The following PPP6R2 variants were observed in gnomAD, a reference collection of about 807,000 sequenced individuals.
PPP6R2 encodes the protein protein phosphatase 6 regulatory subunit 2.
In PPP6R2, 62 loss-of-function variants were observed where a neutral mutation model predicts 100.2. That is an observed-to-expected ratio of 0.62 (90% CI 0.50 to 0.76). The LOEUF (loss-of-function observed/expected upper bound fraction) is 0.76. Ranked by LOEUF, PPP6R2 falls within the 30% of genes least tolerant of loss-of-function variation. The pLI is 0.00. For synonymous variants in PPP6R2, 525 were observed against 514.7 expected, an observed-to-expected ratio of 1.02 and a Z score of -0.27; for missense variants, 1,142 against 1,276.3, an observed-to-expected ratio of 0.89 and a Z score of 1.60.
At chr22:50,330,980 G>A in the PPP6R2 span, among the ~76,000 whole-genome samples, 78 of 152,242 alleles carry the variant, frequency 5.1e-4, no homozygotes, top group Non-Finnish European at 8.7e-4. Context: ...AGATTTGTGA[G>A]CTCCAGGACT....
intron 18 of PPP6R2, 73 bp from the exon 19 acceptor site, chr22:50,438,525 TG>T: frequency 6.5e-7 from 1 of 1,545,626 alleles, no homozygotes; most frequent in Non-Finnish European, 8.8e-7. Flanking sequence ...GCCCCGAGCC[TG>T]GGGCCGCCAC....
chr22:50,401,979 A>G (rs940900745), intron 3 of PPP6R2, among the ~76,000 whole-genome samples: 14 of 152,166 alleles, frequency 9.2e-5, no homozygotes, highest in African/African-American at 3.4e-4. Flanking sequence ...CATATATTTT[A>G]ATAAAAGCTT....
In PPP6R2 at chr22:50,426,127, A is replaced by T. The variant is rs186002364; in HGVS notation, c.1125+2513A>T. On this transcript the variant is annotated intron_variant, in intron 10 of 23. Transcript: ENST00000612753. ...GCCACCACATCCAGCTAATTTTTATATTTTTTGTAGAGATGGGGTCTCGCT... is the reference window on the plus strand; with the variant it reads ...GCCACCACATCCAGCTAATTTTTATTTTTTTTGTAGAGATGGGGTCTCGCT... Among the ~76,000 whole-genome samples, 1,357 of 152,006 alleles carry T rather than the reference A, an allele frequency of 8.9e-3. 26 individuals carry two copies. Among genetic ancestry groups the T allele is most frequent in the African/African-American group, 0.031 (1,288 of 41,448 alleles).
At chr22:50,364,633 A>C (rs550160104) in intron 1 of PPP6R2, among the ~76,000 whole-genome samples, 1 of 152,362 alleles carries the variant, frequency 6.6e-6, no homozygotes, top group African/African-American at 2.4e-5. Flanking sequence ...GAAAGTTGAC[A>C]AAGGTAGCTA....
chr22:50,333,699 G>A, the PPP6R2 span, among the ~76,000 whole-genome samples: 6 of 152,096 alleles, frequency 3.9e-5, no homozygotes, highest in Non-Finnish European at 7.4e-5. Flanking sequence ...AGGGCCTGTT[G>A]GTTTTTCTTT....
intron 4 of PPP6R2, among the ~76,000 whole-genome samples, chr22:50,412,955 CT>C (rs1196859526): frequency 9.3e-5 from 11 of 118,144 alleles, no homozygotes; most frequent in Admixed American, 3.6e-4. Flanking sequence ...TAGATAAGTC[CT>C]TTTTTTTTTG....
At chr22:50,399,261 G>C (rs2149008513) in intron 3 of PPP6R2, among the ~76,000 whole-genome samples, 1 of 152,334 alleles carries the variant, frequency 6.6e-6, no homozygotes, top group Non-Finnish European at 1.5e-5. Context: ...TTGGCAGACT[G>C]TATCTATGAA....
intron 1 of PPP6R2, 33 bp downstream of exon 1, chr22:50,343,583 C>G (rs2042670157): frequency 6.6e-6 from 1 of 151,824 alleles, no homozygotes; most frequent in Admixed American, 6.6e-5. Flanking sequence ...CAGACCCGGC[C>G]CCCAGTCTGC....
chr22:50,361,546 A>G (rs2047795463), intron 1 of PPP6R2, among the ~76,000 whole-genome samples: 1 of 151,910 alleles, frequency 6.6e-6, no homozygotes, highest in African/African-American at 2.4e-5. Flanking sequence ...AGCTTTGTTC[A>G]CTGCCCCAGT....
chr22:50,434,852 C>T (rs570678730), intron 12 of PPP6R2, 114 bp from the exon 13 acceptor site: 13 of 899,516 alleles, frequency 1.4e-5, no homozygotes, highest in African/African-American at 3.4e-5. Flanking sequence ...GGGCAGGGGC[C>T]GGGCACTTGC....
At chr22:50,422,652 C>G (rs1199381136) in intron 9 of PPP6R2, among the ~76,000 whole-genome samples, 4 of 152,172 alleles carry the variant, frequency 2.6e-5, no homozygotes, top group Non-Finnish European at 5.9e-5. Context: ...TTGGGGGCAC[C>G]TAGCTAAGGG....
chr22:50,422,443 G>A (rs992803961), intron 9 of PPP6R2, 63 bp downstream of exon 9: 19 of 1,589,558 alleles, frequency 1.2e-5, no homozygotes, highest in Admixed American at 5.1e-5. Context: ...TGATTTGCAG[G>A]GAGGAGAAGC....
In PPP6R2 at chr22:50,439,725, A is replaced by G; in HGVS notation, c.2153A>G (p.Asp718Gly). The G allele has an allele frequency of 6.2e-7, 1 of 1,608,310 alleles. No homozygotes were observed. The highest frequency in any genetic ancestry group is 2.2e-5 in the East Asian group (1 of 44,622). The change falls in exon 20 of 24, where the codon GAT becomes GGT. Residue 718 changes from aspartate (D) to glycine (G), a missense_variant. By Grantham distance (94) the Asp-to-Gly change is moderately conservative. Around this residue, in one of 2 missense-constraint regions of PPP6R2, gnomAD observed 550 missense variants for 517.4 expected, o/e 1.06. Transcript: ENST00000612753. ...SEGAMWTAVF[D>G]EPANSTPTAP... ...GGCGCCATGTGGACGGCAGTGTTTGATGAGCCAGCGAACTCAACGCCCACA... is the reference window on the plus strand; with the variant it reads ...GGCGCCATGTGGACGGCAGTGTTTGGTGAGCCAGCGAACTCAACGCCCACA...
intron 4 of PPP6R2, 105 bp from the exon 5 acceptor site, chr22:50,414,447 C>A: frequency 7.8e-7 from 1 of 1,284,894 alleles, no homozygotes; most frequent in South Asian, 1.3e-5. Flanking sequence ...GTTATTTCTG[C>A]TTAATATAAT....
At chr22:50,394,636 G>A (rs2056372656) in intron 3 of PPP6R2, among the ~76,000 whole-genome samples, 1 of 148,236 alleles carries the variant, frequency 6.7e-6, no homozygotes, top group Admixed American at 6.8e-5. Flanking sequence ...GCCGGGCACA[G>A]TGGCTCATGT....
chr22:50,411,270 A>G (rs1370706581), intron 4 of PPP6R2, among the ~76,000 whole-genome samples: 1 of 151,986 alleles, frequency 6.6e-6, no homozygotes, highest in Admixed American at 6.6e-5. Flanking sequence ...CCTGGCCAAC[A>G]TGCCGAAACC....
intron 2 of PPP6R2, among the ~76,000 whole-genome samples, chr22:50,393,027 TTA>T (rs750147960): frequency 2.0e-5 from 3 of 152,246 alleles, no homozygotes; most frequent in Non-Finnish European, 4.4e-5. Context: ...GATGTAGGCT[TTA>T]TGTTTTCACT....
chr22:50,374,690 C>T (rs1482766890), intron 2 of PPP6R2, among the ~76,000 whole-genome samples: 1 of 151,970 alleles, frequency 6.6e-6, no homozygotes, highest in Non-Finnish European at 1.5e-5. Flanking sequence ...CCAAGGTGGG[C>T]GGATCATAAG....
intron 2 of PPP6R2, among the ~76,000 whole-genome samples, chr22:50,382,836 ATT>A (rs532410577): frequency 3.8e-4 from 53 of 141,188 alleles, no homozygotes; most frequent in Admixed American, 4.3e-4. Context: ...TTACAAGCAA[ATT>A]TTTTTTTTTT....
Sources: gnomAD v4.1 joint callset for allele counts (sites outside exome capture counted in the v4.1 genomes callset) on GRCh38, gnomAD v4.1.1 for gene constraint, gnomAD v4.1.1 regional missense constraint, MANE v1.5 for transcripts, NCBI Gene and HGNC (gene_info 2026-07-23, HGNC 2026-07-21) for gene names.